FAM47E: variants seen among roughly 807,000 people sequenced by gnomAD.
FAM47E encodes family with sequence similarity 47 member E, also known as protein FAM47E.
FAM47E carries 32 observed loss-of-function variants against 41.6 expected under a neutral mutation model. That is an observed-to-expected ratio of 0.77 (90% CI 0.58 to 1.03). FAM47E has a LOEUF of 1.03. Ranked by LOEUF, FAM47E falls within the 50% of genes least tolerant of loss-of-function variation. The pLI, the probability that FAM47E is intolerant of heterozygous loss-of-function variation, is 0.00. For missense variants in FAM47E, 424 were observed against 485.4 expected, an observed-to-expected ratio of 0.87 and a Z score of 1.19; for synonymous variants, 184 against 188.7, an observed-to-expected ratio of 0.98 and a Z score of 0.20.
chr4:76,261,243 A>T (rs570336603), intron 2 of FAM47E, among the ~76,000 whole-genome samples: 3 of 152,206 alleles, frequency 2.0e-5, no homozygotes, highest in Non-Finnish European at 2.9e-5. Context: ...AGTTAGCTCA[A>T]CCTCTGTGGA....
intron 2 of FAM47E, chr4:76,236,697 T>A (rs999953696): frequency 2.2e-5 from 1 of 44,980 alleles, no homozygotes; most frequent in African/African-American, 8.5e-5. Flanking sequence ...GGGGGTGGGG[T>A]GGGGGTCAGG....
intron 2 of FAM47E, among the ~76,000 whole-genome samples, chr4:76,240,844 G>T (rs189125890): frequency 1.3e-5 from 2 of 151,810 alleles, no homozygotes; most frequent in African/African-American, 4.8e-5. Flanking sequence ...TAGTTCTTTG[G>T]GTAACTTTAA....
chr4:76,243,479 T>C (rs1442407329), intron 2 of FAM47E, among the ~76,000 whole-genome samples: 5 of 152,210 alleles, frequency 3.3e-5, no homozygotes, highest in Admixed American at 3.3e-4. Flanking sequence ...ATTATTTTAG[T>C]ATTTCATAAC....
chr4:76,239,355 A>G (rs1733659789), intron 2 of FAM47E, among the ~76,000 whole-genome samples: 1 of 152,144 alleles, frequency 6.6e-6, no homozygotes, highest in Admixed American at 6.5e-5. Context: ...AACAGTGCAT[A>G]AGGGTTCCAA....
Position 76,256,640 on chromosome 4 carries a change from G to A in FAM47E, c.420+117G>A, listed in dbSNP as rs1050255586. 1.9e-5 allele frequency: 24 copies of A among 1,265,562 alleles called. No homozygotes were observed. The African/African-American group carries it at 2.1e-4, about 11-fold the overall frequency. 78.4% of individuals were successfully genotyped at this position (1,265,562 alleles called of 1,614,324 possible). On this transcript the variant is annotated intron_variant, in intron 2 of 7. Transcript: ENST00000424749. ...CATATTTATAAGAGGAGTGATGAATGTCTCCCCCAGGATGCGAGTTCTTAT... is the reference window on the plus strand; with the variant it reads ...CATATTTATAAGAGGAGTGATGAATATCTCCCCCAGGATGCGAGTTCTTAT...
chr4:76,227,303 A>G (rs912438065), intron 2 of FAM47E, among the ~76,000 whole-genome samples: 5 of 152,184 alleles, frequency 3.3e-5, no homozygotes, highest in Admixed American at 2.0e-4. Context: ...ATGTCCAAAG[A>G]TCATTCAGGA....
In FAM47E at chr4:76,278,158, T is replaced by C; in HGVS notation, c.960T>C (p.Pro320=). The C allele has an allele frequency of 6.4e-7, 1 of 1,551,260 alleles. No homozygotes were observed. The highest frequency in any genetic ancestry group is 2.4e-5 in the East Asian group (1 of 40,890). Residue 320 remains proline, a synonymous_variant, in exon 6 of 8, where the codon CCT becomes CCC. Coordinates refer to ENST00000424749, the MANE Select transcript of FAM47E (RefSeq NM_001136570.3). ...KLWKKQRVDE[P]LVDPEVSHKA... ...GGAAAAAGCAAAGAGTAGACGAGCC[T>C]CTGGTTGACCCTGAGGTCTCACATA...
chr4:76,273,070 T>C lies in FAM47E; in HGVS notation c.870+1302T>C, dbSNP rs371495195. 1.3e-3 allele frequency among the ~76,000 whole-genome samples: 194 copies of C among 152,314 alleles called. 2 individuals are homozygous for C. In the South Asian group the frequency reaches 0.039, roughly 31 times the overall value. On this transcript the variant is annotated intron_variant, in intron 5 of 7. Coordinates refer to ENST00000424749, the MANE Select transcript of FAM47E (RefSeq NM_001136570.3). The stretch of plus-strand genomic sequence containing the variant: ...GGGGTTATGTTCCAAGATCCTCCAG[T>C]GGATGCTGAAACTTTGGATAGTGCT...
At chr4:76,249,575 A>T (rs1024859116), upstream of FAM47E, among the ~76,000 whole-genome samples, 16 of 147,996 alleles carry the variant, frequency 1.1e-4, no homozygotes, top group East Asian at 5.9e-4. Flanking sequence ...TTATTTATTT[A>T]TTTTTTTTTT....
chr4:76,271,676 C>G lies in FAM47E; in HGVS notation c.778C>G (p.Leu260Val). 1 of 1,552,060 alleles carries G rather than the reference C, an allele frequency of 6.4e-7. No homozygotes were observed. Among genetic ancestry groups the G allele is most frequent in the Non-Finnish European group, 8.7e-7 (1 of 1,147,064 alleles). ...LHTMKLNQVP[L>V]ELKRSVGLSK... ...CACGATGAAGCTAAATCAGGTTCCT[C>G]TGGAGCTAAAGCGTAGTGTGGGGCT... Residue 260 changes from leucine to valine, a missense_variant, in exon 5 of 8, where the codon CTG becomes GTG. Leu to Val is a conservative substitution (Grantham distance 32). Transcript: ENST00000424749.
chr4:76,270,363 T>A (rs1734834114), intron 4 of FAM47E, among the ~76,000 whole-genome samples: 1 of 152,162 alleles, frequency 6.6e-6, no homozygotes, highest in African/African-American at 2.4e-5. Flanking sequence ...GAATTAACCA[T>A]TATGATTAAG....
In FAM47E at chr4:76,278,218, G is replaced by A. The variant is rs998978143; in HGVS notation, c.1020G>A (p.Gln340=). 32 of 1,538,766 alleles carry A rather than the reference G, an allele frequency of 2.1e-5. No homozygotes were observed. In the Admixed American group the frequency reaches 6.8e-4, roughly 32 times the overall value. ...AGGAGAATTTTAAAAAGGAGCTGCA[G>A]GAACAGGTATGTATTTATACTGAGA... ...AQEENFKKEL[Q]EQEELLADLH... is the part of the protein sequence containing the mutation. Residue 340 remains glutamine (Q), a synonymous_variant, in exon 6 of 8, where the codon CAG becomes CAA. Transcript: ENST00000424749.
intron 2 of FAM47E, among the ~76,000 whole-genome samples, chr4:76,257,336 G>A (rs1734234725): frequency 6.6e-6 from 1 of 152,088 alleles, no homozygotes; most frequent in African/African-American, 2.4e-5. Flanking sequence ...AAAGAGAAAA[G>A]GTAGAATGGA....
chr4:76,260,916 GA>G (rs1362131870), intron 2 of FAM47E, among the ~76,000 whole-genome samples: 3 of 151,870 alleles, frequency 2.0e-5, no homozygotes, highest in Non-Finnish European at 4.4e-5. Context: ...GTCTCCCCAG[GA>G]GGTTAAGGCT....
At chr4:76,244,633 C>A (rs570256843) in intron 2 of FAM47E, among the ~76,000 whole-genome samples, 1 of 150,776 alleles carries the variant, frequency 6.6e-6, no homozygotes. Context: ...CTCCACCCTC[C>A]GAGTTCAAGT....
rs1297243620 is a variant in FAM47E, at chr4:76,283,479, T to G, written c.*21T>G. 1.4e-6 allele frequency: 2 copies of G among 1,419,100 alleles called. No individual in the cohort carries two copies. Among genetic ancestry groups the G allele is most frequent in the East Asian group, 2.5e-5 (1 of 40,266 alleles). The allele number at this position is 1,419,100 out of a possible 1,614,324, so 87.9% of individuals were successfully genotyped here. A position where few individuals can be genotyped will look rare whatever the true frequency, so the allele number is the denominator to read the frequency against. On this transcript the variant is annotated 3_prime_UTR_variant, in exon 8 of 8. Coordinates refer to ENST00000424749, the MANE Select transcript of FAM47E (RefSeq NM_001136570.3). ...CATAGAAGAATCGTAGGAGAATGAT[T>G]AGGCAGATTTTATTACTACGTACTT...
exon 1 of FAM47E, chr4:76,214,187 C>T (rs1178538461): frequency 2.2e-6 from 1 of 453,356 alleles, no homozygotes; most frequent in Admixed American, 2.4e-5. Context: ...TTCCCCTGCT[C>T]TAGAGGCGCT....
chr4:76,256,120 G>T lies in FAM47E; in HGVS notation c.75-58G>T. The stretch of plus-strand genomic sequence containing the variant: ...CTCCTTCTCCCACCCAAGTCCTGTG[G>T]TTAATATGAACAGGCATGTGGTATT... On this transcript the variant is annotated intron_variant, in intron 1 of 7. Coordinates refer to ENST00000424749, the MANE Select transcript of FAM47E (RefSeq NM_001136570.3). The T allele has an allele frequency of 2.7e-6, 4 of 1,499,670 alleles. No individual in the cohort carries two copies. In the South Asian group the frequency reaches 4.0e-5, roughly 15 times the overall value. The allele number at this position is 1,499,670 out of a possible 1,614,324, so 92.9% of individuals were successfully genotyped here.
At chr4:76,269,095 A>T in intron 4 of FAM47E, 2 of 256,374 alleles carry the variant, frequency 7.8e-6, no homozygotes, top group Non-Finnish European at 7.3e-6. Flanking sequence ...TCTCTCTTTC[A>T]CTCCTTCAAC....
Sources: gnomAD v4.1 joint callset for allele counts (sites outside exome capture counted in the v4.1 genomes callset) on GRCh38, gnomAD v4.1.1 for gene constraint, MANE v1.5 for transcripts, NCBI Gene and HGNC (gene_info 2026-07-23, HGNC 2026-07-21) for gene names.